Variants in BOLA3 observed in about 807,000 individuals in gnomAD.
BOLA3 encodes bolA-like protein 3.
BOLA3 carries 8 observed loss-of-function variants against 14.5 expected under a neutral mutation model. The observed-to-expected ratio is 0.55, with a 90% CI of 0.32 to 0.99. BOLA3 has a LOEUF of 0.99. Ranked by LOEUF, BOLA3 falls within the 50% of genes least tolerant of loss-of-function variation. BOLA3 has a pLI of 0.04. For synonymous variants in BOLA3, 42 were observed against 45.7 expected, an observed-to-expected ratio of 0.92 and a Z score of 0.33; for missense variants, 115 against 138.2, an observed-to-expected ratio of 0.83 and a Z score of 0.84.
chr2:74,141,141 A>G (rs1444201805), intron 3 of BOLA3, among the ~76,000 whole-genome samples: 1 of 152,180 alleles, frequency 6.6e-6, no homozygotes, highest in Non-Finnish European at 1.5e-5. Context: ...CAGAGATCAC[A>G]TGGGACTGCA....
At chr2:74,141,533 C>G (rs538340917) in intron 3 of BOLA3, among the ~76,000 whole-genome samples, 1 of 151,824 alleles carries the variant, frequency 6.6e-6, no homozygotes. Context: ...GGGCAGAGGC[C>G]GGCTGGGAGG....
At chr2:74,147,504 G>A in intron 1 of BOLA3, 3 of 404,382 alleles carry the variant, frequency 7.4e-6, no homozygotes, top group Non-Finnish European at 1.3e-5. Flanking sequence ...CCTGTCTTCT[G>A]CTCGGTAAAC....
intron 2 of BOLA3, among the ~76,000 whole-genome samples, chr2:74,143,234 C>A (rs559119338): frequency 3.9e-5 from 6 of 152,158 alleles, no homozygotes; most frequent in Non-Finnish European, 7.4e-5. Context: ...GGGCTCACTG[C>A]AAGCTCCGCC....
intron 3 of BOLA3, among the ~76,000 whole-genome samples, chr2:74,139,301 A>T (rs564293851): frequency 6.6e-6 from 1 of 152,276 alleles, no homozygotes; most frequent in East Asian, 1.9e-4. Context: ...TAGGGTGAGT[A>T]GGCAAAATAG....
chr2:74,139,287 C>T (rs575446795), intron 3 of BOLA3, among the ~76,000 whole-genome samples: 40 of 152,274 alleles, frequency 2.6e-4, no homozygotes, highest in Middle Eastern at 3.4e-3. Flanking sequence ...AACACTACTA[C>T]GCATAGGGTG....
chr2:74,140,142 G>T (rs940141679), intron 3 of BOLA3, among the ~76,000 whole-genome samples: 1 of 152,124 alleles, frequency 6.6e-6, no homozygotes, highest in African/African-American at 2.4e-5. Flanking sequence ...AAATTAGCCA[G>T]GTGTGGTGGC....
intron 1 of BOLA3, 45 bp downstream of exon 1, chr2:74,147,776 A>G (rs1336494751): frequency 4.4e-5 from 67 of 1,526,886 alleles, no homozygotes; most frequent in Non-Finnish European, 5.3e-5. Context: ...GTCCCTCCGC[A>G]GCTCCCGTCC....
intron 3 of BOLA3, among the ~76,000 whole-genome samples, chr2:74,140,546 T>G (rs1253624872): frequency 2.6e-5 from 4 of 152,100 alleles, no homozygotes; most frequent in African/African-American, 9.7e-5. Flanking sequence ...GAAAGACAAG[T>G]GACTGGGCTG....
intron 3 of BOLA3, among the ~76,000 whole-genome samples, chr2:74,137,393 A>G (rs1024035937): frequency 1.3e-5 from 2 of 152,242 alleles, no homozygotes; most frequent in Non-Finnish European, 2.9e-5. Flanking sequence ...AAAGAAGCTG[A>G]AAGCTCAGAG....
At chr2:74,140,443 A>G (rs1692418534) in intron 3 of BOLA3, among the ~76,000 whole-genome samples, 1 of 152,236 alleles carries the variant, frequency 6.6e-6, no homozygotes, top group East Asian at 1.9e-4. Flanking sequence ...ACTCTCAAGA[A>G]ATACTGACTG....
intron 3 of BOLA3, among the ~76,000 whole-genome samples, chr2:74,137,522 C>A (rs1242379230): frequency 2.0e-5 from 3 of 151,986 alleles, no homozygotes; most frequent in African/African-American, 7.3e-5. Context: ...TATAAAGAAT[C>A]CTAATATATG....
chr2:74,140,287 G>GA (rs1203809144), intron 3 of BOLA3, among the ~76,000 whole-genome samples: 6 of 151,796 alleles, frequency 4.0e-5, no homozygotes, highest in Non-Finnish European at 8.8e-5. Context: ...CTGTGGGAGG[G>GA]AAAAAAAAGA....
intron 1 of BOLA3, chr2:74,146,660 A>T (rs1399452222): frequency 6.6e-6 from 1 of 152,512 alleles, no homozygotes; most frequent in African/African-American, 2.4e-5. Flanking sequence ...GCTGGTGCTG[A>T]AGGTCCCACC....
At chr2:74,140,280 T>TG (rs1213474699) in intron 3 of BOLA3, among the ~76,000 whole-genome samples, 10 of 151,970 alleles carry the variant, frequency 6.6e-5, no homozygotes, top group Non-Finnish European at 1.5e-4. Context: ...TGATACTCTG[T>TG]GGGAGGGAAA....
chr2:74,145,662 G>T (rs1286563141), intron 1 of BOLA3: 2 of 329,754 alleles, frequency 6.1e-6, no homozygotes, highest in East Asian at 1.6e-4. Context: ...ATGTGCCCAA[G>T]GTTGAATTCG....
At chr2:74,147,279 GA>G (rs1481622516) in intron 1 of BOLA3, 1 of 159,914 alleles carries the variant, frequency 6.3e-6, no homozygotes, top group Non-Finnish European at 1.4e-5. Context: ...GAAGGAAAAT[GA>G]AAGTTAAGAG....
chr2:74,147,011 T>G (rs150617144), intron 1 of BOLA3: 1 of 152,636 alleles, frequency 6.6e-6, no homozygotes, highest in African/African-American at 2.4e-5. Context: ...GGGGTGGAGC[T>G]GCTTCTGGGG....
Position 74,142,390 on chromosome 2 carries a change from A to G in BOLA3, c.170-30T>C, listed in dbSNP as rs750233312. The G allele has an allele frequency of 3.2e-5, 49 of 1,541,694 alleles. No individual in the cohort carries two copies. The Admixed American group carries it at 5.8e-4, about 18-fold the overall frequency. The stretch of plus-strand genomic sequence containing the variant: ...AATAAACATGATTCAAAAGCATTTC[A>G]ATTATTAAGTCATGGCAGCCATGGT... On this transcript the variant is annotated intron_variant, in intron 2 of 3. Coordinates refer to ENST00000327428, the MANE Select transcript of BOLA3 (RefSeq NM_212552.3).
At chr2:74,140,098 A>G (rs1301431340) in intron 3 of BOLA3, among the ~76,000 whole-genome samples, 5 of 152,204 alleles carry the variant, frequency 3.3e-5, no homozygotes, top group Non-Finnish European at 7.3e-5. Flanking sequence ...AGCCTGGCCA[A>G]CATGGTGAAA....
Sources: gnomAD v4.1 joint callset for allele counts (sites outside exome capture counted in the v4.1 genomes callset) on GRCh38, gnomAD v4.1.1 for gene constraint, MANE v1.5 for transcripts, NCBI Gene and HGNC (gene_info 2026-07-23, HGNC 2026-07-21) for gene names.